Variants in EYS observed in about 807,000 individuals in gnomAD.
EYS encodes the protein EGF-like photoreceptor maintenance factor, also known as protein eyes shut homolog.
EYS carries 250 observed loss-of-function variants against 282.1 expected under a neutral mutation model. The observed-to-expected ratio is 0.89, with a 90% CI of 0.80 to 0.98. The LOEUF is 0.98. EYS is among the 50% of genes least tolerant of loss of function. EYS has a pLI of 0.00. For missense variants in EYS, 4,016 were observed against 3,709.0 expected (o/e 1.08, Z -2.15); for synonymous variants, 1,355 against 1,282.9 (o/e 1.06, Z -1.20).
chr6:63,842,469 G>A (rs1771986792), intron 36 of EYS, among the ~76,000 whole-genome samples: 1 of 151,938 alleles, frequency 6.6e-6, no homozygotes, highest in Non-Finnish European at 1.5e-5. Context: ...TTTTTTTCTT[G>A]TAAGTTTGTT....
At chr6:64,534,003 G>T (rs1371563086) in intron 26 of EYS, among the ~76,000 whole-genome samples, 1 of 151,882 alleles carries the variant, frequency 6.6e-6, no homozygotes, top group African/African-American at 2.4e-5. Context: ...AAATCATAAA[G>T]TTGTTGGGGC....
rs530056853 is a variant in EYS at position 65,409,808 on chromosome 6, A to G, written c.863-4441T>C. On this transcript the variant is annotated intron_variant, in intron 5 of 42. Coordinates refer to ENST00000503581, the MANE Select transcript of EYS (RefSeq NM_001142800.2). ...AGTGACAACTTACTAGCCAGAAAACACTGCTTAGATTATATAATATTAACT... is the reference window on the plus strand; with the variant it reads ...AGTGACAACTTACTAGCCAGAAAACGCTGCTTAGATTATATAATATTAACT... Among the ~76,000 whole-genome samples the G allele has an allele frequency of 7.2e-5, 11 of 152,222 alleles. No homozygotes were observed. In the South Asian group the frequency reaches 2.3e-3, roughly 32 times the overall value.
At chr6:65,546,052 A>G (rs1185419535) in intron 2 of EYS, among the ~76,000 whole-genome samples, 3 of 150,266 alleles carry the variant, frequency 2.0e-5, no homozygotes, top group Middle Eastern at 3.4e-3. Context: ...TAGAGTCTGG[A>G]TCTGTCACCC....
At chr6:65,165,111 T>G (rs1198001150) in intron 12 of EYS, among the ~76,000 whole-genome samples, 2 of 151,216 alleles carry the variant, frequency 1.3e-5, no homozygotes, top group Non-Finnish European at 3.0e-5. Flanking sequence ...GCAAATAAAT[T>G]CTAACATTAA....
chr6:64,127,846 A>G (rs752283077), intron 31 of EYS, among the ~76,000 whole-genome samples: 1 of 152,174 alleles, frequency 6.6e-6, no homozygotes, highest in Non-Finnish European at 1.5e-5. Flanking sequence ...CTTATTTTCC[A>G]TATACTTATT....
chr6:64,585,240 T>C (rs527407079), intron 26 of EYS, among the ~76,000 whole-genome samples: 1 of 152,182 alleles, frequency 6.6e-6, no homozygotes, highest in Admixed American at 6.6e-5. Flanking sequence ...TACTAGATGT[T>C]CTCATGTGTA....
At chr6:64,732,307 TA>T (rs112329306) in intron 22 of EYS, among the ~76,000 whole-genome samples, 11,538 of 141,154 alleles carry the variant, frequency 0.082, 456 homozygotes, top group East Asian at 0.19. Context: ...CTTAAAGTAT[TA>T]AAAAAAAAAA....
At chr6:64,656,975 T>C (rs1768773809) in intron 22 of EYS, among the ~76,000 whole-genome samples, 1 of 152,162 alleles carries the variant, frequency 6.6e-6, no homozygotes, top group Non-Finnish European at 1.5e-5. Flanking sequence ...CCCATTATTA[T>C]TGTGTGGGAG....
intron 31 of EYS, among the ~76,000 whole-genome samples, chr6:64,199,854 CTG>C (rs1428626778): frequency 1.3e-5 from 2 of 152,120 alleles, no homozygotes; most frequent in African/African-American, 2.4e-5. Context: ...GACTTTAAAA[CTG>C]TGTCCACACA....
chr6:65,586,320 T>G (rs762547807), intron 2 of EYS, among the ~76,000 whole-genome samples: 5 of 152,066 alleles, frequency 3.3e-5, no homozygotes, highest in Non-Finnish European at 7.4e-5. Context: ...GATCTCTTGG[T>G]CAAGTAATTT....
chr6:65,701,454 C>T (rs1351404715), intron 1 of EYS, among the ~76,000 whole-genome samples: 1 of 152,154 alleles, frequency 6.6e-6, no homozygotes, highest in Non-Finnish European at 1.5e-5. Flanking sequence ...TCTCTGCAGT[C>T]AAGTCTCCTC....
intron 12 of EYS, among the ~76,000 whole-genome samples, chr6:65,293,041 C>A (rs962571546): frequency 4.6e-5 from 7 of 151,570 alleles, no homozygotes; most frequent in African/African-American, 1.5e-4. Context: ...AAACAGGAAA[C>A]GGCTGGGCTT....
chr6:65,278,174 G>A (rs1768108277), intron 12 of EYS, among the ~76,000 whole-genome samples: 1 of 148,762 alleles, frequency 6.7e-6, no homozygotes, highest in Admixed American at 6.8e-5. Flanking sequence ...TGGACTGGGA[G>A]TGTTATGGCA....
intron 2 of EYS, among the ~76,000 whole-genome samples, chr6:65,515,959 C>A (rs1466869288): frequency 6.6e-6 from 1 of 151,740 alleles, no homozygotes; most frequent in African/African-American, 2.4e-5. Context: ...AAATAAAATT[C>A]TTCTTCAATA....
chr6:64,936,474 T>A (rs770115715), intron 15 of EYS, among the ~76,000 whole-genome samples: 16 of 151,416 alleles, frequency 1.1e-4, no homozygotes, highest in Non-Finnish European at 1.9e-4. Flanking sequence ...GAAAAAAACG[T>A]ATCAATATTG....
intron 12 of EYS, among the ~76,000 whole-genome samples, chr6:65,245,146 A>C (rs556933730): frequency 6.6e-6 from 1 of 152,296 alleles, no homozygotes; most frequent in East Asian, 1.9e-4. Flanking sequence ...CCAGCATATT[A>C]CATATGGTGT....
intron 26 of EYS, among the ~76,000 whole-genome samples, chr6:64,538,446 A>C (rs1312259564): frequency 6.6e-6 from 1 of 152,218 alleles, no homozygotes; most frequent in East Asian, 1.9e-4. Flanking sequence ...TCTTTTATAA[A>C]GATGGCTTTC....
chr6:64,524,044 A>C (rs116978475), intron 26 of EYS, among the ~76,000 whole-genome samples: 2,473 of 151,798 alleles, frequency 0.016, 22 homozygotes, highest in South Asian at 0.035. Flanking sequence ...TCCAGGAAAC[A>C]TGCTGAAATA....
intron 30 of EYS, among the ~76,000 whole-genome samples, chr6:64,244,044 A>G (rs1035572541): frequency 6.6e-6 from 1 of 152,170 alleles, no homozygotes; most frequent in African/African-American, 2.4e-5. Context: ...TATATACTCC[A>G]TAAAAACTAT....
Sources: gnomAD v4.1 joint callset for allele counts (sites outside exome capture counted in the v4.1 genomes callset) on GRCh38, gnomAD v4.1.1 for gene constraint, MANE v1.5 for transcripts, NCBI Gene and HGNC (gene_info 2026-07-23, HGNC 2026-07-21) for gene names.